The following HAPLN1 variants were observed in gnomAD, a reference collection of about 807,000 sequenced individuals.
HAPLN1 encodes Cartilage link protein.
A neutral mutation model predicts 36.5 loss-of-function variants in HAPLN1; 13 were observed. The ratio of observed to expected loss-of-function variants is 0.36; its 90% CI spans 0.23 to 0.57. The LOEUF is 0.57. HAPLN1 is among the 20% of genes least tolerant of loss of function. The pLI, the probability that HAPLN1 is intolerant of heterozygous loss-of-function variation, is 0.83. For synonymous variants in HAPLN1, 202 were observed against 169.8 expected, an observed-to-expected ratio of 1.19 and a Z score of -1.48; for missense variants, 407 against 439.7, an observed-to-expected ratio of 0.93 and a Z score of 0.66.
At chr5:83,679,686 T>C (rs1398211717) in intron 1 of HAPLN1, among the ~76,000 whole-genome samples, 2 of 152,172 alleles carry the variant, frequency 1.3e-5, no homozygotes, top group African/African-American at 4.8e-5. Flanking sequence ...CAGTAACATG[T>C]AAATTGGAGC....
chr5:83,673,796 GAA>G (rs1750791430), intron 1 of HAPLN1: 1 of 355,824 alleles, frequency 2.8e-6, no homozygotes. Flanking sequence ...TGTAAATCTA[GAA>G]ATTTAAAACA....
chr5:83,666,360 CA>C (rs1382200952), intron 2 of HAPLN1, among the ~76,000 whole-genome samples: 5 of 152,166 alleles, frequency 3.3e-5, no homozygotes, highest in Admixed American at 1.3e-4. Context: ...AGAAAGGCGT[CA>C]CTATTTAATA....
At chr5:83,710,049 C>T (rs1751741844) in intron 1 of HAPLN1, among the ~76,000 whole-genome samples, 1 of 152,148 alleles carries the variant, frequency 6.6e-6, no homozygotes, top group Non-Finnish European at 1.5e-5. Flanking sequence ...AAGAAAAAGA[C>T]TTCATTATGG....
chr5:83,657,985 C>T (rs1406362720), intron 2 of HAPLN1, among the ~76,000 whole-genome samples: 2 of 152,102 alleles, frequency 1.3e-5, no homozygotes, highest in Admixed American at 6.6e-5. Flanking sequence ...ATTACTTTCA[C>T]CTTGTTGCGC....
At position 83,644,613 on chromosome 5, in the gene HAPLN1, G is replaced by A. The variant is rs749824276; in HGVS notation, c.525C>T (p.His175=). The part of the protein sequence containing the change: ...PRLGRYNLNF[H]EAQQACLDQD... ...GGTCCAGACACGCCTGCTGCGCCTC[G>A]TGAAAATTGAGATTGTAGCGCCCCA... The change falls in exon 4 of 5, where the codon CAC becomes CAT. Residue 175 remains histidine (H), a synonymous_variant. Coordinates refer to ENST00000274341, the MANE Select transcript of HAPLN1 (RefSeq NM_001884.4). The A allele has an allele frequency of 1.3e-5, 19 of 1,509,556 alleles. No homozygotes were observed. Among genetic ancestry groups the A allele is most frequent in the African/African-American group, 7.1e-5 (5 of 70,640 alleles). The allele number at this position is 1,509,556 out of a possible 1,614,324, so 93.5% of individuals were successfully genotyped here. A position where few individuals can be genotyped will look rare whatever the true frequency, so the allele number is the denominator to read the frequency against.
At chr5:83,694,358 C>G (rs1018388797) in intron 1 of HAPLN1, among the ~76,000 whole-genome samples, 17 of 151,942 alleles carry the variant, frequency 1.1e-4, no homozygotes, top group Non-Finnish European at 2.4e-4. Flanking sequence ...AAATCAATGA[C>G]TTCAGATTCC....
chr5:83,679,871 A>G (rs565069740), intron 1 of HAPLN1, among the ~76,000 whole-genome samples: 4 of 152,282 alleles, frequency 2.6e-5, no homozygotes, highest in Non-Finnish European at 4.4e-5. Context: ...CAAATGTCCA[A>G]GCTCCATGTT....
intron 3 of HAPLN1, among the ~76,000 whole-genome samples, chr5:83,645,735 A>C (rs1350360490): frequency 6.6e-6 from 1 of 151,864 alleles, no homozygotes; most frequent in African/African-American, 2.4e-5. Context: ...TGTAGCCCTT[A>C]ATCTTATTTT....
At chr5:83,687,848 C>A (rs1751169299) in intron 1 of HAPLN1, among the ~76,000 whole-genome samples, 1 of 152,092 alleles carries the variant, frequency 6.6e-6, no homozygotes, top group Non-Finnish European at 1.5e-5. Flanking sequence ...TCTGGAAATG[C>A]ATTTATATAG....
At chr5:83,699,429 A>G (rs891620275) in intron 1 of HAPLN1, among the ~76,000 whole-genome samples, 2 of 152,328 alleles carry the variant, frequency 1.3e-5, no homozygotes, top group South Asian at 2.1e-4. Flanking sequence ...CTTCTAGCAG[A>G]AATCTTGCGG....
intron 3 of HAPLN1, among the ~76,000 whole-genome samples, chr5:83,647,741 C>G (rs568347294): frequency 6.6e-6 from 1 of 152,188 alleles, no homozygotes; most frequent in African/African-American, 2.4e-5. Context: ...ATCCTCCATA[C>G]TTATATGTCA....
intron 3 of HAPLN1, among the ~76,000 whole-genome samples, chr5:83,645,471 C>CTTTTTTTTTTTTTTT (rs1423821503): frequency 9.9e-4 from 20 of 20,298 alleles, no homozygotes; most frequent in African/African-American, 4.5e-3. Flanking sequence ...TTTTCTTTTT[C>CTTTTTTTTTTTTTTT]TTTCTTTTTT....
intron 2 of HAPLN1, among the ~76,000 whole-genome samples, chr5:83,655,423 A>G (rs1347901989): frequency 1.3e-5 from 2 of 151,812 alleles, no homozygotes; most frequent in Non-Finnish European, 2.9e-5. Context: ...TTGAAAATTA[A>G]GCAGGCACCA....
chr5:83,686,821 AAAG>A (rs1206196538), intron 1 of HAPLN1, among the ~76,000 whole-genome samples: 1 of 152,122 alleles, frequency 6.6e-6, no homozygotes, highest in African/African-American at 2.4e-5. Flanking sequence ...ACAGAAAACA[AAAG>A]AAGGTCACTT....
intron 1 of HAPLN1, among the ~76,000 whole-genome samples, chr5:83,705,249 G>C (rs1390412997): frequency 1.3e-5 from 2 of 151,944 alleles, no homozygotes; most frequent in African/African-American, 2.4e-5. Context: ...AATTAGCTGG[G>C]CATGGTGGCA....
At chr5:83,642,914 G>A (rs948722535) in intron 4 of HAPLN1, among the ~76,000 whole-genome samples, 5 of 152,126 alleles carry the variant, frequency 3.3e-5, no homozygotes, top group Admixed American at 6.5e-5. Context: ...CTCCCTCTGG[G>A]TTTAGTATTT....
intron 1 of HAPLN1, among the ~76,000 whole-genome samples, chr5:83,689,612 G>A (rs1751222645): frequency 6.6e-6 from 1 of 152,068 alleles, no homozygotes; most frequent in Non-Finnish European, 1.5e-5. Flanking sequence ...GGGCACATAT[G>A]GGGTGATTTT....
At chr5:83,678,108 T>C (rs750392310) in intron 1 of HAPLN1, among the ~76,000 whole-genome samples, 3 of 152,098 alleles carry the variant, frequency 2.0e-5, no homozygotes, top group Non-Finnish European at 4.4e-5. Context: ...GGCGTTCTTC[T>C]TCTGGGTGTG....
chr5:83,641,602 C>T lies in HAPLN1; in HGVS notation c.959G>A (p.Arg320Lys). The stretch of plus-strand genomic sequence containing the variant: ...AGTAGGACTGCAGCGCCTTCTTGGC[C>T]TAGAGATGGGGTAGCGGACGCTGCC... ...ADGSVRYPIS[R>K]PRRRCSPTEA... The change falls in exon 5 of 5, where the codon AGG (arginine) becomes AAG (lysine). Residue 320 changes from arginine (R) to lysine (K), a missense_variant. Physicochemically the swap from Arg to Lys is conservative, Grantham distance 26. Transcript: ENST00000274341. 1 of 1,614,182 alleles carries T rather than the reference C, an allele frequency of 6.2e-7. No individual in the cohort carries two copies. Among genetic ancestry groups the T allele is most frequent in the Non-Finnish European group, 8.5e-7 (1 of 1,180,042 alleles).
Sources: gnomAD v4.1 joint callset for allele counts (sites outside exome capture counted in the v4.1 genomes callset) on GRCh38, gnomAD v4.1.1 for gene constraint, MANE v1.5 for transcripts, NCBI Gene and HGNC (gene_info 2026-07-23, HGNC 2026-07-21) for gene names.